Variants in GRM5 observed in about 807,000 individuals in gnomAD.
The protein encoded by GRM5 is metabotropic glutamate receptor 5.
A neutral mutation model predicts 83.1 loss-of-function variants in GRM5; 19 were observed. That is an observed-to-expected ratio of 0.23 (90% CI 0.16 to 0.34). The LOEUF (loss-of-function observed/expected upper bound fraction) is 0.34, where lower values mean the gene tolerates loss of function less well. GRM5 is among the 10% of genes least tolerant of loss of function. GRM5 has a pLI of 1.00. For synonymous variants in GRM5, 675 were observed against 633.6 expected, an observed-to-expected ratio of 1.07 and a Z score of -0.98; for missense variants, 1,160 against 1,588.3, an observed-to-expected ratio of 0.73 and a Z score of 4.58.
chr11:88,692,805 C>T (rs369156933), intron 3 of GRM5, among the ~76,000 whole-genome samples: 2 of 152,154 alleles, frequency 1.3e-5, no homozygotes, highest in African/African-American at 2.4e-5. Context: ...TTCTGAGACT[C>T]GAAGTTCCTT....
chr11:88,874,968 G>C (rs1186496854), intron 2 of GRM5, among the ~76,000 whole-genome samples: 3 of 151,944 alleles, frequency 2.0e-5, no homozygotes, highest in African/African-American at 7.2e-5. Flanking sequence ...TGCTGATAGA[G>C]GATCTTGTCT....
chr11:88,916,442 C>T (rs536102860), intron 2 of GRM5, among the ~76,000 whole-genome samples: 3 of 152,168 alleles, frequency 2.0e-5, no homozygotes, highest in Admixed American at 1.3e-4. Context: ...CAGAATTCAG[C>T]CAGCCTCCAA....
chr11:88,821,618 TTTTGATTCAC>T (rs1430762393), intron 3 of GRM5, among the ~76,000 whole-genome samples: 8 of 152,188 alleles, frequency 5.3e-5, no homozygotes, highest in Non-Finnish European at 1.2e-4. Flanking sequence ...CTGATTTTCA[TTTTGATTCAC>T]TTCCATATTA....
intron 3 of GRM5, among the ~76,000 whole-genome samples, chr11:88,845,423 C>CTTTTTTTTTTTTTTTTTTTTTTTT (rs71046265): frequency 2.2e-5 from 2 of 92,444 alleles, no homozygotes; most frequent in African/African-American, 9.0e-5. Context: ...ATAAACATAA[C>CTTTTTTTTTTTTTTTTTTTTTTTT]TTTTTTTTTT....
At chr11:88,618,792 T>C (rs1380930560) in intron 4 of GRM5, among the ~76,000 whole-genome samples, 3 of 152,192 alleles carry the variant, frequency 2.0e-5, no homozygotes, top group Non-Finnish European at 4.4e-5. Flanking sequence ...GGCATGATAG[T>C]GCACCAAAGA....
At chr11:89,065,397 CTG>C (rs1942080806) in intron 1 of GRM5, among the ~76,000 whole-genome samples, 1 of 144,128 alleles carries the variant, frequency 6.9e-6, no homozygotes, top group Non-Finnish European at 1.5e-5. Context: ...TTTTCCTCCT[CTG>C]TTTTTTTTTT....
At chr11:88,718,120 T>A (rs1283131540) in intron 3 of GRM5, among the ~76,000 whole-genome samples, 1 of 151,884 alleles carries the variant, frequency 6.6e-6, no homozygotes, top group Non-Finnish European at 1.5e-5. Flanking sequence ...CAGAATTAAT[T>A]CTTAAAACTC....
intron 3 of GRM5, among the ~76,000 whole-genome samples, chr11:88,794,467 T>G (rs1294946674): frequency 1.3e-5 from 2 of 152,180 alleles, no homozygotes; most frequent in Admixed American, 1.3e-4. Flanking sequence ...CCACATACTT[T>G]GAATAAATTA....
At chr11:88,928,763 G>A (rs921649706) in intron 2 of GRM5, among the ~76,000 whole-genome samples, 4 of 151,832 alleles carry the variant, frequency 2.6e-5, no homozygotes, top group African/African-American at 9.7e-5. Flanking sequence ...GTGATTTTAT[G>A]TTTTAATTTA....
chr11:88,977,472 A>C (rs1360563020), intron 2 of GRM5, among the ~76,000 whole-genome samples: 1 of 152,098 alleles, frequency 6.6e-6, no homozygotes, highest in African/African-American at 2.4e-5. Context: ...CGGCCTCCCA[A>C]AGTGCTGGGA....
At chr11:88,918,472 T>C (rs985266001) in intron 2 of GRM5, among the ~76,000 whole-genome samples, 12 of 151,834 alleles carry the variant, frequency 7.9e-5, no homozygotes, top group African/African-American at 2.9e-4. Context: ...CTGAGGGATT[T>C]CATCCATACC....
rs1486819851 is a variant in GRM5, at chr11:88,509,249, G to T, written c.2982C>A (p.Asp994Glu). The T allele has an allele frequency of 2.0e-6, 3 of 1,491,406 alleles. No individual in the cohort carries two copies. In the South Asian group the frequency reaches 3.8e-5, roughly 19 times the overall value. 92.4% of individuals were successfully genotyped at this position (1,491,406 alleles called of 1,614,324 possible). A position where few individuals can be genotyped will look rare whatever the true frequency, so the allele number is the denominator to read the frequency against. Reference sequence around the variant, plus strand: ...CATCATACAGCGCCTTGGGGCCGGCGTCTGGGGACTCGGGCCCGCCTGGGC... The same window carrying T: ...CATCATACAGCGCCTTGGGGCCGGCTTCTGGGGACTCGGGCCCGCCTGGGC... Reference protein sequence around the residue: ...GAGPGGPESPDAGPKALYDVA... With the variant: ...GAGPGGPESPEAGPKALYDVA... Residue 994 changes from aspartate (D) to glutamate (E), a missense_variant, in exon 10 of 10, where the codon GAC (aspartate) becomes GAA (glutamate). This residue lies in a region of GRM5 where 562 missense variants were observed against 532.4 expected (regional missense o/e 1.06). Transcript: ENST00000305447.
At chr11:88,909,289 T>C (rs112768380) in intron 2 of GRM5, among the ~76,000 whole-genome samples, 5 of 152,132 alleles carry the variant, frequency 3.3e-5, no homozygotes, top group South Asian at 2.1e-4. Flanking sequence ...GTACATGTAG[T>C]ATATTAGCAA....
chr11:88,592,890 G>A (rs575980427), intron 6 of GRM5, among the ~76,000 whole-genome samples: 3 of 152,066 alleles, frequency 2.0e-5, no homozygotes, highest in East Asian at 1.9e-4. Flanking sequence ...CTTGGCTCAC[G>A]GCAGCCTTGA....
chr11:88,829,214 G>A lies in GRM5; in HGVS notation c.911+20692C>T, dbSNP rs934080022. ...GGTGGCTCATGCCTATAATTCCAAC[G>A]CTTTGGGAGGACAAGGCAGGCAGAT... On this transcript the variant is annotated intron_variant, in intron 3 of 9. Coordinates refer to ENST00000305447, the MANE Select transcript of GRM5 (RefSeq NM_001143831.3). Among the ~76,000 whole-genome samples the A allele has an allele frequency of 1.1e-4, 16 of 152,178 alleles. No homozygotes were observed. The East Asian group carries it at 1.9e-3, about 18-fold the overall frequency.
intron 2 of GRM5, among the ~76,000 whole-genome samples, chr11:89,001,821 G>A (rs1285925086): frequency 1.3e-5 from 2 of 152,154 alleles, no homozygotes; most frequent in Non-Finnish European, 2.9e-5. Flanking sequence ...TATTAAAAAT[G>A]TCATCCGAAG....
At position 88,509,411 on chromosome 11, in the gene GRM5, T is replaced by C. The variant is rs1440421408; in HGVS notation, c.2820A>G (p.Lys940=). ...TGACGGCCGTTTGGTTGGGGTTTTC[T>C]TTCTTGTTGATGTGGATGGACAGGC... ...WQRLSIHINK[K]ENPNQTAVIK... The change falls in exon 10 of 10, where the codon AAA becomes AAG. Residue 940 remains lysine (K), a synonymous_variant. Transcript: ENST00000305447. 1.2e-6 allele frequency: 2 copies of C among 1,612,936 alleles called. No individual in the cohort carries two copies. The highest frequency in any genetic ancestry group is 3.3e-5 in the Admixed American group (2 of 60,010).
chr11:88,516,979 A>C (rs992528936), intron 9 of GRM5, among the ~76,000 whole-genome samples: 1 of 152,076 alleles, frequency 6.6e-6, no homozygotes, highest in Non-Finnish European at 1.5e-5. Flanking sequence ...ATATTTCCAG[A>C]TTAAGATATT....
chr11:88,984,911 A>T (rs533607957), intron 2 of GRM5: 9 of 625,694 alleles, frequency 1.4e-5, no homozygotes, highest in Non-Finnish European at 2.1e-5. Flanking sequence ...TGTTGTTATC[A>T]ATGATATTTT....
Sources: allele counts gnomAD v4.1 joint callset (sites outside exome capture counted in the v4.1 genomes callset), GRCh38; gene constraint gnomAD v4.1.1; regional missense constraint gnomAD v4.1.1; transcripts MANE v1.5; gene names NCBI Gene and HGNC (gene_info 2026-07-23, HGNC 2026-07-21).